Variants in ZNF148 observed in about 807,000 individuals in gnomAD.
ZNF148 encodes the protein zinc finger protein 148.
A neutral mutation model predicts 67.7 loss-of-function variants in ZNF148; 7 were observed. The ratio of observed to expected loss-of-function variants is 0.10; its 90% CI spans 0.06 to 0.19. The LOEUF (loss-of-function observed/expected upper bound fraction) is 0.19. ZNF148 is among the 10% of genes least tolerant of loss of function. The pLI is 1.00. For missense variants in ZNF148, 583 were observed against 947.1 expected, an observed-to-expected ratio of 0.62 and a Z score of 5.05; for synonymous variants, 333 against 330.7, an observed-to-expected ratio of 1.01 and a Z score of -0.08.
intron 7 of ZNF148, among the ~76,000 whole-genome samples, chr3:125,257,100 C>T (rs1055418026): frequency 6.6e-6 from 1 of 151,108 alleles, no homozygotes; most frequent in African/African-American, 2.4e-5. Flanking sequence ...ACTCTGATAA[C>T]TCTAATCTCT....
At chr3:125,321,981 A>G (rs1940793920) in intron 3 of ZNF148, among the ~76,000 whole-genome samples, 1 of 150,216 alleles carries the variant, frequency 6.7e-6, no homozygotes, top group African/African-American at 2.5e-5. Context: ...ACCAAGACTC[A>G]TTCCAGAACA....
At chr3:125,244,342 T>C (rs1385031628) in intron 7 of ZNF148, among the ~76,000 whole-genome samples, 2 of 152,334 alleles carry the variant, frequency 1.3e-5, no homozygotes, top group South Asian at 2.1e-4. Flanking sequence ...TAGCTCACTA[T>C]GGTTTGACAT....
intron 3 of ZNF148, among the ~76,000 whole-genome samples, chr3:125,314,645 A>G (rs776433652): frequency 1.4e-4 from 21 of 152,222 alleles, no homozygotes; most frequent in Non-Finnish European, 2.4e-4. Flanking sequence ...TGTAATTCAT[A>G]ACTTGCTAAT....
chr3:125,310,061 A>G (rs1367733108), intron 4 of ZNF148, among the ~76,000 whole-genome samples: 5 of 149,792 alleles, frequency 3.3e-5, no homozygotes, highest in African/African-American at 1.2e-4. Flanking sequence ...CTAAACAATA[A>G]TGGTTCAAAG....
intron 7 of ZNF148, among the ~76,000 whole-genome samples, chr3:125,273,768 C>T (rs1423676616): frequency 1.3e-5 from 2 of 151,966 alleles, no homozygotes; most frequent in Admixed American, 6.6e-5. Flanking sequence ...CGTGAGCCAC[C>T]GCACCCGGCC....
chr3:125,264,723 G>A (rs1217097391), intron 7 of ZNF148, among the ~76,000 whole-genome samples: 1 of 152,080 alleles, frequency 6.6e-6, no homozygotes, highest in African/African-American at 2.4e-5. Flanking sequence ...TGCCTTTCAT[G>A]TCCATTTCAT....
chr3:125,319,046 T>C (rs1389621379), intron 3 of ZNF148, among the ~76,000 whole-genome samples: 1 of 152,108 alleles, frequency 6.6e-6, no homozygotes, highest in East Asian at 1.9e-4. Flanking sequence ...GACACGTGTT[T>C]AGTTCAGCTG....
intron 1 of ZNF148, among the ~76,000 whole-genome samples, chr3:125,366,163 A>G (rs1344452318): frequency 2.0e-5 from 3 of 152,370 alleles, no homozygotes; most frequent in Non-Finnish European, 4.4e-5. Context: ...ATATGTTAAC[A>G]TACTTTAATT....
chr3:125,310,455 G>T (rs1440776147), intron 4 of ZNF148, among the ~76,000 whole-genome samples: 2 of 152,084 alleles, frequency 1.3e-5, no homozygotes, highest in Non-Finnish European at 2.9e-5. Flanking sequence ...CAAAATCTAT[G>T]CAATGTAGCT....
chr3:125,316,504 A>T (rs1940500669), intron 3 of ZNF148, among the ~76,000 whole-genome samples: 1 of 152,156 alleles, frequency 6.6e-6, no homozygotes, highest in Non-Finnish European at 1.5e-5. Flanking sequence ...CCTCACCAGC[A>T]TTGGTAATTG....
Position 125,233,834 on chromosome 3 carries a change from C to T in ZNF148, c.892G>A (p.Glu298Lys). The change falls in exon 9 of 9, where the codon GAG becomes AAG. Residue 298 changes from glutamate (E) to lysine (K), a missense_variant. This residue lies in a region of ZNF148 where 78 missense variants were observed against 86.5 expected (regional missense o/e 0.90). Transcript: ENST00000360647. The surrounding 1 kb of genome is among the most constrained non-coding windows in gnomAD (Gnocchi z 5.1). The part of the protein sequence containing the change: ...CAIKGGLLTS[E>K]EDSGFSTSPK... ...GATGTAGAAAAGCCAGAATCTTCCT[C>T]AGATGTCAGAAGGCCACCTTTGATG... The T allele has an allele frequency of 6.2e-7, 1 of 1,613,688 alleles. No homozygotes were observed. The highest frequency in any genetic ancestry group is 1.1e-5 in the South Asian group (1 of 91,056).
intron 7 of ZNF148, among the ~76,000 whole-genome samples, chr3:125,251,489 C>T (rs560182010): frequency 6.6e-6 from 1 of 152,320 alleles, no homozygotes; most frequent in South Asian, 2.1e-4. Context: ...GAACATTAGA[C>T]ACTGCAGAAG....
At chr3:125,365,921 C>T (rs1942688360) in intron 1 of ZNF148, among the ~76,000 whole-genome samples, 1 of 152,222 alleles carries the variant, frequency 6.6e-6, no homozygotes, top group South Asian at 2.1e-4. Context: ...AATCCTACTG[C>T]TATCAAACTA....
chr3:125,312,748 T>C lies in ZNF148; in HGVS notation c.333+560A>G, dbSNP rs180897524. Among the ~76,000 whole-genome samples, 8 of 152,282 alleles carry C rather than the reference T, an allele frequency of 5.3e-5. No individual in the cohort carries two copies. The East Asian group carries it at 1.5e-3, about 29-fold the overall frequency. ...ATGATGGTTGTGGTTTCACTGATTA[T>C]TGGGTAAAAATAAAGGTAGAAGAAG... On this transcript the variant is annotated intron_variant, in intron 4 of 8. Transcript: ENST00000360647.
rs9813844 is a variant in ZNF148, at chr3:125,258,451, A to T, written c.667+19275T>A. On this transcript the variant is annotated intron_variant, in intron 7 of 8. Coordinates refer to ENST00000360647, the MANE Select transcript of ZNF148 (RefSeq NM_021964.3). ...AAAAAAAAAAAAAAAAAAAAGGGGG[A>T]TAGCATCTTCCTATGTTACCCAGGC... Among the ~76,000 whole-genome samples the T allele has an allele frequency of 8.9e-3, 947 of 105,924 alleles. 15 individuals are homozygous for T. Among genetic ancestry groups the T allele is most frequent in the African/African-American group, 0.032 (887 of 27,864 alleles). 69.5% of individuals were successfully genotyped at this position (105,924 alleles called of 152,430 possible).
At chr3:125,281,013 A>G (rs1320537196) in intron 5 of ZNF148, among the ~76,000 whole-genome samples, 3 of 152,202 alleles carry the variant, frequency 2.0e-5, no homozygotes, top group African/African-American at 7.2e-5. Context: ...TACGTAAGGG[A>G]AAAAAGCTTT....
chr3:125,244,890 T>C (rs559995987), intron 7 of ZNF148, among the ~76,000 whole-genome samples: 10 of 152,256 alleles, frequency 6.6e-5, no homozygotes, highest in South Asian at 2.1e-4. Context: ...ATCTATGACA[T>C]CCATACTCCT....
intron 4 of ZNF148, among the ~76,000 whole-genome samples, chr3:125,302,179 G>A (rs1450971034): frequency 6.6e-6 from 1 of 151,850 alleles, no homozygotes; most frequent in Non-Finnish European, 1.5e-5. Context: ...GAGTTCAAGA[G>A]CAGTCTGGAC....
chr3:125,344,664 T>C, intron 1 of ZNF148: 1 of 669,314 alleles, frequency 1.5e-6, no homozygotes, highest in Non-Finnish European at 2.8e-6. Flanking sequence ...GCCACTTGTT[T>C]TGATTTTCTC....
Sources: allele counts gnomAD v4.1 joint callset (sites outside exome capture counted in the v4.1 genomes callset), GRCh38; gene constraint gnomAD v4.1.1; regional missense constraint gnomAD v4.1.1; non-coding constraint Gnocchi (gnomAD v3.1); transcripts MANE v1.5; gene names NCBI Gene and HGNC (gene_info 2026-07-23, HGNC 2026-07-21).